Variants in TNFRSF19 observed in about 807,000 individuals in gnomAD.
TNFRSF19 encodes tumor necrosis factor receptor superfamily member 19.
A neutral mutation model predicts 46.4 loss-of-function variants in TNFRSF19; 27 were observed. That is an observed-to-expected ratio of 0.58 (90% confidence interval 0.43 to 0.80). The LOEUF (loss-of-function observed/expected upper bound fraction) is 0.80. Among genes scored for constraint, TNFRSF19 ranks in the 30% least tolerant of loss-of-function variants. The pLI, the probability that TNFRSF19 is intolerant of heterozygous loss-of-function variation, is 0.00. For missense variants in TNFRSF19, 511 were observed against 530.8 expected, an observed-to-expected ratio of 0.96 and a Z score of 0.37; for synonymous variants, 204 against 205.0, an observed-to-expected ratio of 1.00 and a Z score of 0.04.
intron 4 of TNFRSF19, among the ~76,000 whole-genome samples, chr13:23,624,824 C>G (rs1174496992): frequency 6.6e-6 from 1 of 151,364 alleles, no homozygotes; most frequent in Admixed American, 6.6e-5. Context: ...GATCTTGGCT[C>G]ACTGCAACCT....
At chr13:23,633,563 C>A (rs1882485348) in intron 5 of TNFRSF19, among the ~76,000 whole-genome samples, 1 of 151,756 alleles carries the variant, frequency 6.6e-6, no homozygotes, top group African/African-American at 2.4e-5. Flanking sequence ...AAAACAATAG[C>A]TGGGGCTGGG....
At chr13:23,613,576 C>G (rs1055349300) in intron 3 of TNFRSF19, among the ~76,000 whole-genome samples, 1 of 152,166 alleles carries the variant, frequency 6.6e-6, no homozygotes, top group Admixed American at 6.5e-5. Flanking sequence ...TGTTTTAACT[C>G]GTACATGAGA....
intron 5 of TNFRSF19, among the ~76,000 whole-genome samples, chr13:23,641,247 T>C (rs1374797868): frequency 6.6e-6 from 1 of 152,220 alleles, no homozygotes; most frequent in East Asian, 1.9e-4. Flanking sequence ...CTTTAAAAAT[T>C]TGGCAGGAGG....
At chr13:23,666,320 T>C (rs778374306) in intron 7 of TNFRSF19, among the ~76,000 whole-genome samples, 7 of 152,240 alleles carry the variant, frequency 4.6e-5, no homozygotes, top group Non-Finnish European at 1.0e-4. Context: ...GAATCAGTCA[T>C]TACTATGATG....
At position 23,675,563 on chromosome 13, in the gene TNFRSF19, C is replaced by A. The variant is rs567328162; in HGVS notation, c.*2183C>A. ...TCAAGATGAAGACATTTTACCCTACCTACTCTAGAAATATACAACAATGTT... is the reference window on the plus strand; with the variant it reads ...TCAAGATGAAGACATTTTACCCTACATACTCTAGAAATATACAACAATGTT... On this transcript the variant is annotated 3_prime_UTR_variant, in exon 10 of 10. Transcript: ENST00000248484. 6.6e-6 allele frequency: 1 copy of A among 152,186 alleles called. No homozygotes were observed. The highest frequency in any genetic ancestry group is 1.5e-5 in the Non-Finnish European group (1 of 68,032). The allele number at this position is 152,186 out of a possible 1,614,324, so 9.4% of individuals were successfully genotyped here. A position where few individuals can be genotyped will look rare whatever the true frequency, so the allele number is the denominator to read the frequency against.
At chr13:23,575,031 A>G (rs1477489890) in intron 1 of TNFRSF19, among the ~76,000 whole-genome samples, 1 of 152,222 alleles carries the variant, frequency 6.6e-6, no homozygotes, top group African/African-American at 2.4e-5. Flanking sequence ...AGTTCTGATA[A>G]AGATAGTTTT....
At position 23,615,883 on chromosome 13, in the gene TNFRSF19, A is replaced by C. The variant is rs1376736162; in HGVS notation, c.197A>C (p.Tyr66Ser). ...MELSKECGFG[Y>S]GEDAQCVTCR... ...TCCCCACAGGAATGTGGCTTCGGCTATGGGGAGGATGCACAGTGTGTGACG... is the reference window on the plus strand; with the variant it reads ...TCCCCACAGGAATGTGGCTTCGGCTCTGGGGAGGATGCACAGTGTGTGACG... Residue 66 changes from tyrosine (Y) to serine (S), a missense_variant, in exon 4 of 10, where the codon TAT becomes TCT. Around this residue, in one of 3 missense-constraint regions of TNFRSF19, gnomAD observed 121 missense variants for 124.1 expected, o/e 0.98. Transcript: ENST00000248484. The C allele has an allele frequency of 6.2e-7, 1 of 1,607,748 alleles. No individual in the cohort carries two copies. The highest frequency in any genetic ancestry group is 1.3e-5 in the African/African-American group (1 of 74,712).
At chr13:23,591,569 G>T (rs1484858882) in intron 2 of TNFRSF19, among the ~76,000 whole-genome samples, 1 of 151,984 alleles carries the variant, frequency 6.6e-6, no homozygotes, top group Non-Finnish European at 1.5e-5. Flanking sequence ...ATTGAATAAT[G>T]GTCTAAGAGG....
intron 3 of TNFRSF19, among the ~76,000 whole-genome samples, chr13:23,607,411 T>A (rs754030260): frequency 1.4e-4 from 22 of 152,114 alleles, no homozygotes; most frequent in Admixed American, 7.9e-4. Flanking sequence ...CAAGTCTGGG[T>A]GACAAAGTGA....
At position 23,673,688 on chromosome 13, in the gene TNFRSF19, T is replaced by C; in HGVS notation, c.*308T>C. 1 of 529,028 alleles carries C rather than the reference T, an allele frequency of 1.9e-6. No homozygotes were observed. The highest frequency in any genetic ancestry group is 2.8e-6 in the Non-Finnish European group (1 of 363,598). The allele number at this position is 529,028 out of a possible 1,614,324, so 32.8% of individuals were successfully genotyped here. ...ACGGATGGGTTGAGCTGGCAGCCTA[T>C]GAGATTGTGGACATATAACAAGAAA... On this transcript the variant is annotated 3_prime_UTR_variant, in exon 10 of 10. Transcript: ENST00000248484.
At position 23,668,825 on chromosome 13, in the gene TNFRSF19, T is replaced by A. The variant is rs1185437725; in HGVS notation, c.973T>A (p.Ser325Thr). ...TGGTGACAACATCTCTTTTTGTGACTCTTATCCTGAACTCACTGGAGAAGA... is the reference window on the plus strand; with the variant it reads ...TGGTGACAACATCTCTTTTTGTGACACTTATCCTGAACTCACTGGAGAAGA... ...MGGDNISFCD[S>T]YPELTGEDIH... is the part of the protein sequence containing the mutation. Residue 325 changes from serine (S) to threonine (T), a missense_variant, in exon 9 of 10, where the codon TCT becomes ACT. Transcript: ENST00000248484. 6.2e-7 allele frequency: 1 copy of A among 1,614,266 alleles called. No homozygotes were observed. The highest frequency in any genetic ancestry group is 1.7e-5 in the Admixed American group (1 of 60,030).
At chr13:23,657,067 T>C (rs1471824985) in intron 5 of TNFRSF19, among the ~76,000 whole-genome samples, 1 of 152,204 alleles carries the variant, frequency 6.6e-6, no homozygotes, top group Non-Finnish European at 1.5e-5. Context: ...ATTTTGTGAA[T>C]ATTAAACATG....
At chr13:23,669,191 G>GTTTT in intron 9 of TNFRSF19, 94 bp downstream of exon 9, 1 of 1,294,070 alleles carries the variant, frequency 7.7e-7, no homozygotes, top group Admixed American at 3.0e-5. Context: ...AACCTGATGA[G>GTTTT]TTTTTTTTTT....
intron 5 of TNFRSF19, among the ~76,000 whole-genome samples, chr13:23,649,458 T>G (rs1391823827): frequency 6.6e-6 from 1 of 152,146 alleles, no homozygotes; most frequent in Non-Finnish European, 1.5e-5. Context: ...CTCTCTTATT[T>G]ACTTAGTCTA....
At chr13:23,657,547 C>T (rs929200333) in intron 5 of TNFRSF19, among the ~76,000 whole-genome samples, 19 of 152,046 alleles carry the variant, frequency 1.2e-4, no homozygotes, top group Middle Eastern at 3.4e-3. Context: ...AAAACCACAC[C>T]GGATTTTAAA....
intron 3 of TNFRSF19, among the ~76,000 whole-genome samples, chr13:23,602,925 C>A (rs1279024075): frequency 1.3e-5 from 2 of 151,892 alleles, no homozygotes; most frequent in African/African-American, 4.8e-5. Context: ...GTGATCTAAG[C>A]TTATACCTTA....
At chr13:23,629,617 T>C (rs1039194663) in intron 5 of TNFRSF19, among the ~76,000 whole-genome samples, 2 of 152,224 alleles carry the variant, frequency 1.3e-5, no homozygotes, top group African/African-American at 4.8e-5. Flanking sequence ...GATTCACATC[T>C]TGGCTGCGCT....
intron 7 of TNFRSF19, among the ~76,000 whole-genome samples, chr13:23,665,936 G>A (rs1414268014): frequency 6.6e-6 from 1 of 152,150 alleles, no homozygotes; most frequent in Non-Finnish European, 1.5e-5. Flanking sequence ...TAATGTTTGT[G>A]TCTCATGATA....
intron 1 of TNFRSF19, among the ~76,000 whole-genome samples, chr13:23,579,190 G>T (rs923677257): frequency 3.0e-4 from 45 of 152,342 alleles, no homozygotes; most frequent in African/African-American, 1.1e-3. Context: ...CCGCGGAGTG[G>T]GGGCCTCCAA....
Sources: allele counts gnomAD v4.1 joint callset (sites outside exome capture counted in the v4.1 genomes callset), GRCh38; gene constraint gnomAD v4.1.1; regional missense constraint gnomAD v4.1.1; transcripts MANE v1.5; gene names NCBI Gene and HGNC (gene_info 2026-07-23, HGNC 2026-07-21).